Variants in SEPTIN14 observed in about 807,000 individuals in gnomAD.
SEPTIN14 encodes the protein septin 14.
A neutral mutation model predicts 53.6 loss-of-function variants in SEPTIN14; 40 were observed. That is an observed-to-expected ratio of 0.75 (90% CI 0.58 to 0.97). The LOEUF (loss-of-function observed/expected upper bound fraction) is 0.97. Ranked by LOEUF, SEPTIN14 falls within the 50% of genes least tolerant of loss-of-function variation. SEPTIN14 has a pLI of 0.00. For missense variants in SEPTIN14, 471 were observed against 508.2 expected, an observed-to-expected ratio of 0.93 and a Z score of 0.70; for synonymous variants, 138 against 166.8, an observed-to-expected ratio of 0.83 and a Z score of 1.33.
At position 55,794,632 on chromosome 7, in the gene SEPTIN14, A is replaced by T. The variant is rs1344095398; in HGVS notation, c.*1281T>A. On this transcript the variant is annotated 3_prime_UTR_variant, in exon 10 of 10. Transcript: ENST00000388975. ...AAGATGATTTAACAATATGTATAAA[A>T]GTCATTGTGGGTCAGGCACAGTGGC... 6.6e-6 allele frequency: 1 copy of T among 152,198 alleles called. No homozygotes were observed. Among genetic ancestry groups the T allele is most frequent in the African/African-American group, 2.4e-5 (1 of 41,470 alleles). 9.4% of individuals were successfully genotyped at this position (152,198 alleles called of 1,614,324 possible). A position where few individuals can be genotyped will look rare whatever the true frequency, so the allele number is the denominator to read the frequency against.
At chr7:55,809,721 T>G (rs1473346881) in intron 7 of SEPTIN14, among the ~76,000 whole-genome samples, 3 of 150,520 alleles carry the variant, frequency 2.0e-5, no homozygotes, top group Admixed American at 6.6e-5. Flanking sequence ...ACATGCAATT[T>G]ATCTATATAA....
At chr7:55,809,703 C>A (rs1335451013) in intron 7 of SEPTIN14, among the ~76,000 whole-genome samples, 1 of 150,754 alleles carries the variant, frequency 6.6e-6, no homozygotes, top group Non-Finnish European at 1.5e-5. Context: ...TTACACCAAA[C>A]CCCCATGACA....
chr7:55,852,789 C>T (rs560159417), intron 2 of SEPTIN14, among the ~76,000 whole-genome samples: 71 of 152,148 alleles, frequency 4.7e-4, no homozygotes, highest in Middle Eastern at 3.4e-3. Flanking sequence ...AAACTATCCC[C>T]CGATAAGGGA....
intron 7 of SEPTIN14, 108 bp downstream of exon 7, chr7:55,819,019 A>G (rs528285892): frequency 4.5e-4 from 300 of 668,452 alleles, no homozygotes; most frequent in Non-Finnish European, 7.1e-4. Flanking sequence ...CTTACAGATT[A>G]GCAAGAGTTA....
intron 5 of SEPTIN14, among the ~76,000 whole-genome samples, chr7:55,841,790 G>A (rs1294395340): frequency 6.6e-6 from 1 of 151,604 alleles, no homozygotes; most frequent in East Asian, 1.9e-4. Flanking sequence ...AGGAGGTGGA[G>A]GTTGCAGTGA....
At chr7:55,826,624 C>T (rs995905525) in intron 6 of SEPTIN14, among the ~76,000 whole-genome samples, 27 of 152,056 alleles carry the variant, frequency 1.8e-4, no homozygotes, top group Non-Finnish European at 3.2e-4. Flanking sequence ...ATGGCAAAAC[C>T]CTGTCTCTAC....
chr7:55,828,613 C>T (rs1789033069), intron 6 of SEPTIN14, among the ~76,000 whole-genome samples: 1 of 152,058 alleles, frequency 6.6e-6, no homozygotes, highest in Non-Finnish European at 1.5e-5. Context: ...CAGATGAAAG[C>T]TTTAACAATA....
chr7:55,834,305 T>G (rs1302617496), intron 6 of SEPTIN14, 120 bp downstream of exon 6: 1 of 651,584 alleles, frequency 1.5e-6, no homozygotes, highest in East Asian at 2.9e-5. Context: ...TAAATCTGTT[T>G]ACAAAGAATC....
At chr7:55,846,085 ATATATATG>A (rs1377634798) in intron 3 of SEPTIN14, among the ~76,000 whole-genome samples, 2 of 127,624 alleles carry the variant, frequency 1.6e-5, no homozygotes, top group African/African-American at 2.9e-5. Context: ...ATATATATAT[ATATATATG>A]TATACATGCT....
chr7:55,840,837 A>G (rs1348782542), intron 5 of SEPTIN14, among the ~76,000 whole-genome samples: 1 of 152,146 alleles, frequency 6.6e-6, no homozygotes, highest in Non-Finnish European at 1.5e-5. Context: ...GGCCACACAT[A>G]TGATGTTGTT....
At chr7:55,837,314 A>T (rs1368872507) in intron 5 of SEPTIN14, among the ~76,000 whole-genome samples, 1 of 152,010 alleles carries the variant, frequency 6.6e-6, no homozygotes, top group Non-Finnish European at 1.5e-5. Flanking sequence ...ACAGGGTCTC[A>T]CTATGTTGTT....
intron 2 of SEPTIN14, among the ~76,000 whole-genome samples, chr7:55,858,630 C>T (rs1236427395): frequency 6.6e-6 from 1 of 152,068 alleles, no homozygotes; most frequent in Non-Finnish European, 1.5e-5. Flanking sequence ...CATGGAGAAA[C>T]TCCCTCTCCA....
chr7:55,846,984 G>A (rs1385349477), intron 2 of SEPTIN14, among the ~76,000 whole-genome samples: 3 of 152,114 alleles, frequency 2.0e-5, no homozygotes, highest in East Asian at 1.9e-4. Context: ...TCAGGAGTTC[G>A]AGACCAGCCT....
chr7:55,861,952 A>C lies in SEPTIN14; in HGVS notation c.45T>G (p.Asp15Glu). ...GAAAGATATACTTAACTGTATCTCC[A>C]TCAGCAGGTATTTGTGTGGGCATAG... ...TMAMPTQIPA[D>E]GDTQKENNIR... Residue 15 changes from aspartate to glutamate, a missense_variant, in exon 2 of 10, where the codon GAT (aspartate) becomes GAG (glutamate). Coordinates refer to ENST00000388975, the MANE Select transcript of SEPTIN14 (RefSeq NM_207366.3). 1 of 1,576,114 alleles carries C rather than the reference A, an allele frequency of 6.3e-7. No homozygotes were observed. The highest frequency in any genetic ancestry group is 2.3e-5 in the East Asian group (1 of 44,260).
At chr7:55,821,658 C>G (rs1487403374) in intron 6 of SEPTIN14, among the ~76,000 whole-genome samples, 1 of 152,124 alleles carries the variant, frequency 6.6e-6, no homozygotes. Flanking sequence ...CCCTCCTTAC[C>G]TATTCTTCTG....
intron 2 of SEPTIN14, among the ~76,000 whole-genome samples, chr7:55,861,556 C>G (rs983161863): frequency 1.3e-5 from 2 of 151,890 alleles, no homozygotes; most frequent in African/African-American, 4.8e-5. Context: ...AATCAGCAAG[C>G]AGCCATCCAA....
chr7:55,852,663 G>A (rs912559744), intron 2 of SEPTIN14, among the ~76,000 whole-genome samples: 2 of 151,996 alleles, frequency 1.3e-5, no homozygotes, highest in African/African-American at 4.8e-5. Context: ...ACAAGCACAG[G>A]AAACCAAAGC....
intron 4 of SEPTIN14, among the ~76,000 whole-genome samples, chr7:55,843,792 A>G (rs1029342226): frequency 6.6e-6 from 1 of 152,222 alleles, no homozygotes; most frequent in African/African-American, 2.4e-5. Flanking sequence ...AGATCGCGCC[A>G]CTGCGCTCTA....
chr7:55,808,040 C>T (rs1319290334), intron 7 of SEPTIN14, among the ~76,000 whole-genome samples: 1 of 152,092 alleles, frequency 6.6e-6, no homozygotes, highest in Admixed American at 6.5e-5. Context: ...GGGAGATAGA[C>T]TGTATTACAA....
Sources: gnomAD v4.1 joint callset for allele counts (sites outside exome capture counted in the v4.1 genomes callset) on GRCh38, gnomAD v4.1.1 for gene constraint, MANE v1.5 for transcripts, NCBI Gene and HGNC (gene_info 2026-07-23, HGNC 2026-07-21) for gene names.